UNC79: variants seen among roughly 807,000 people sequenced by gnomAD.
The protein encoded by UNC79 is protein unc-79 homolog.
In UNC79, 37 loss-of-function variants were observed where a neutral mutation model predicts 283.1. That is an observed-to-expected ratio of 0.13 (90% confidence interval 0.10 to 0.17). UNC79 has a LOEUF of 0.17. Among genes scored for constraint, UNC79 ranks in the 10% least tolerant of loss-of-function variants. UNC79 has a pLI of 1.00. For synonymous variants in UNC79, 1,107 were observed against 1,200.2 expected, an observed-to-expected ratio of 0.92 and a Z score of 1.61; for missense variants, 2,272 against 3,211.1, an observed-to-expected ratio of 0.71 and a Z score of 7.07.
Position 93,623,621 on chromosome 14 carries a change from G to C in UNC79, c.5608+780G>C, listed in dbSNP as rs77617783. Among the ~76,000 whole-genome samples, 904 of 152,354 alleles carry C rather than the reference G, an allele frequency of 5.9e-3. 5 individuals are homozygous for C. Among genetic ancestry groups the C allele is most frequent in the Non-Finnish European group, 0.01 (687 of 68,032 alleles). ...TTAAAAAAAGTTAATGGGGCTGGGCGTAGTGGTTCATGCCTGTAATCCCAG... is the reference window on the plus strand; with the variant it reads ...TTAAAAAAAGTTAATGGGGCTGGGCCTAGTGGTTCATGCCTGTAATCCCAG... On this transcript the variant is annotated intron_variant, in intron 30 of 48. Transcript: ENST00000555664.
At chr14:93,388,078 T>C (rs1423001821) in intron 1 of UNC79, among the ~76,000 whole-genome samples, 1 of 152,208 alleles carries the variant, frequency 6.6e-6, no homozygotes, top group East Asian at 1.9e-4. Context: ...AGCCATGCAC[T>C]GCACATGGCC....
intron 1 of UNC79, among the ~76,000 whole-genome samples, chr14:93,455,940 GTGTGTA>G (rs2056784839): frequency 6.6e-6 from 1 of 151,562 alleles, no homozygotes; most frequent in Non-Finnish European, 1.5e-5. Flanking sequence ...GTGTGTGTGT[GTGTGTA>G]TGTGTGTGAA....
chr14:93,401,946 A>G (rs894683913), intron 1 of UNC79, among the ~76,000 whole-genome samples: 1 of 152,188 alleles, frequency 6.6e-6, no homozygotes, highest in Non-Finnish European at 1.5e-5. Flanking sequence ...CACAGGACGT[A>G]TCCAATTCAA....
rs766524950 is a variant in UNC79, at chr14:93,582,395, G to T, written c.2803+51G>T. ...ATGCGCCACGTGCACATGGCCTGATGCTCAAATCACCGGGTTCTTGGTTTA... is the reference window on the plus strand; with the variant it reads ...ATGCGCCACGTGCACATGGCCTGATTCTCAAATCACCGGGTTCTTGGTTTA... On this transcript the variant is annotated intron_variant, in intron 20 of 48. Transcript: ENST00000555664. 4.4e-6 allele frequency: 7 copies of T among 1,595,634 alleles called. No homozygotes were observed. The African/African-American group carries it at 9.5e-5, about 22-fold the overall frequency.
At chr14:93,623,077 C>T (rs1372111928) in intron 30 of UNC79, among the ~76,000 whole-genome samples, 1 of 152,158 alleles carries the variant, frequency 6.6e-6, no homozygotes, top group Non-Finnish European at 1.5e-5. Flanking sequence ...ACTCTGCAGT[C>T]AATTCTTGAC....
At chr14:93,439,383 G>GT (rs1018477912) in intron 1 of UNC79, among the ~76,000 whole-genome samples, 12 of 149,182 alleles carry the variant, frequency 8.0e-5, no homozygotes, top group African/African-American at 1.7e-4. Context: ...ATTTTGTTAA[G>GT]TTTTTTTTTT....
chr14:93,687,143 G>A (rs969235631), intron 43 of UNC79, among the ~76,000 whole-genome samples: 9 of 152,170 alleles, frequency 5.9e-5, no homozygotes, highest in Non-Finnish European at 7.4e-5. Flanking sequence ...TGACTGTTAC[G>A]AGGGTTTGAT....
rs187063561 is a variant in UNC79 at position 93,553,466 on chromosome 14, C to A, written c.1755+10770C>A. On this transcript the variant is annotated intron_variant, in intron 14 of 48. Transcript: ENST00000555664. ...GCTCAGTCTCCAGGTTGTCAGAGAC[C>A]TGCATCCAAGAGTATCCATGAGAGT... 7.5e-3 allele frequency among the ~76,000 whole-genome samples: 1,143 copies of A among 152,250 alleles called. 13 individuals carry two copies. The highest frequency in any genetic ancestry group is 0.044 in the Middle Eastern group (13 of 294).
exon 38 of UNC79, chr14:93,655,266 G>C (rs775528341): frequency 6.2e-7 from 1 of 1,614,060 alleles, no homozygotes; most frequent in Admixed American, 1.7e-5. Flanking sequence ...TACCAGCAGG[G>C]GGTGCTATGA....
At chr14:93,541,350 A>G (rs1438601872) in intron 13 of UNC79, among the ~76,000 whole-genome samples, 2 of 152,230 alleles carry the variant, frequency 1.3e-5, no homozygotes, top group Non-Finnish European at 2.9e-5. Context: ...ATTTAATTTC[A>G]ACATCTATTC....
chr14:93,564,200 T>C (rs2062738464), intron 14 of UNC79, among the ~76,000 whole-genome samples: 1 of 152,158 alleles, frequency 6.6e-6, no homozygotes, highest in Non-Finnish European at 1.5e-5. Context: ...TAAAGCTGTC[T>C]TCAAGCAACG....
Position 93,474,438 on chromosome 14 carries a change from T to C in UNC79, c.448+45T>C, listed in dbSNP as rs2057686087. 6.6e-7 allele frequency: 1 copy of C among 1,507,602 alleles called. No homozygotes were observed. The highest frequency in any genetic ancestry group is 1.4e-5 in the African/African-American group (1 of 72,542). 93.4% of individuals were successfully genotyped at this position (1,507,602 alleles called of 1,614,324 possible). A position where few individuals can be genotyped will look rare whatever the true frequency, so the allele number is the denominator to read the frequency against. The stretch of plus-strand genomic sequence containing the variant: ...CTTTGGAAATGTACGTGGATGCTTA[T>C]GAATGTATATGATGCTGAGCAAGGG... On this transcript the variant is annotated intron_variant, in intron 3 of 48. Coordinates refer to ENST00000555664, the Ensembl canonical transcript of UNC79. This position sits in a 1 kb window ranked among gnomAD's most constrained non-coding sequence, Gnocchi z 4.1.
intron 41 of UNC79, among the ~76,000 whole-genome samples, chr14:93,677,851 T>A (rs2073481071): frequency 6.6e-6 from 1 of 152,194 alleles, no homozygotes; most frequent in Non-Finnish European, 1.5e-5. Context: ...GGTTTCACCA[T>A]GTTGATCAGG....
intron 1 of UNC79, among the ~76,000 whole-genome samples, chr14:93,354,136 C>A (rs2054034534): frequency 6.6e-6 from 1 of 151,976 alleles, no homozygotes; most frequent in Non-Finnish European, 1.5e-5. Context: ...CTGAGGGGGC[C>A]AATATCTTTA....
At chr14:93,643,500 T>C (rs573124014) in intron 33 of UNC79, 57 bp from the exon 37 acceptor site, 30 of 1,612,656 alleles carry the variant, frequency 1.9e-5, no homozygotes, top group Non-Finnish European at 2.5e-5. Context: ...TAGTATATTA[T>C]ATCTTGAGAC....
intron 5 of UNC79, among the ~76,000 whole-genome samples, chr14:93,493,899 A>ATT (rs1298223300): frequency 0.017 from 1,043 of 60,076 alleles, 19 homozygotes; most frequent in Non-Finnish European, 0.025. Context: ...ATATATATAT[A>ATT]TATTTTTTTT....
chr14:93,382,495 A>G (rs1351443537), intron 1 of UNC79, among the ~76,000 whole-genome samples: 1 of 152,150 alleles, frequency 6.6e-6, no homozygotes, highest in Non-Finnish European at 1.5e-5. Context: ...CCTCAGGAAT[A>G]TATGTATAGT....
At chr14:93,376,561 A>G (rs975805961) in intron 1 of UNC79, among the ~76,000 whole-genome samples, 4 of 152,198 alleles carry the variant, frequency 2.6e-5, no homozygotes, top group Admixed American at 2.0e-4. Flanking sequence ...TTGGAATTTA[A>G]GAGTTTATTT....
chr14:93,557,193 C>T (rs943175539), intron 14 of UNC79, among the ~76,000 whole-genome samples: 2 of 152,198 alleles, frequency 1.3e-5, no homozygotes, highest in African/African-American at 4.8e-5. Flanking sequence ...TTAAAGAAAA[C>T]TATCCTTGAT....
Sources: gnomAD v4.1 joint callset for allele counts (sites outside exome capture counted in the v4.1 genomes callset) on GRCh38, gnomAD v4.1.1 for gene constraint, Gnocchi (gnomAD v3.1) non-coding constraint, MANE v1.5 for transcripts, NCBI Gene and HGNC (gene_info 2026-07-23, HGNC 2026-07-21) for gene names.